The following PAPPA2 variants were observed in gnomAD, a reference collection of about 807,000 sequenced individuals.
PAPPA2 encodes the protein pappalysin 2.
PAPPA2 carries 86 observed loss-of-function variants against 176.4 expected under a neutral mutation model. That is an observed-to-expected ratio of 0.49 (90% CI 0.41 to 0.58). The LOEUF is 0.58. Ranked by LOEUF, PAPPA2 falls within the 20% of genes least tolerant of loss-of-function variation. The pLI is 0.00. For missense variants in PAPPA2, 2,073 were observed against 2,256.9 expected, an observed-to-expected ratio of 0.92 and a Z score of 1.65; for synonymous variants, 809 against 852.2, an observed-to-expected ratio of 0.95 and a Z score of 0.88.
chr1:176,740,054 C>G lies in PAPPA2; in HGVS notation c.4009C>G (p.His1337Asp), dbSNP rs1188902056. 1 of 1,613,848 alleles carries G rather than the reference C, an allele frequency of 6.2e-7. No homozygotes were observed. The highest frequency in any genetic ancestry group is 1.3e-5 in the African/African-American group (1 of 74,894). Residue 1337 changes from histidine (H) to aspartate (D), a missense_variant, in exon 14 of 23, where the codon CAT becomes GAT. Around this residue, in one of 4 missense-constraint regions of PAPPA2, gnomAD observed 846 missense variants for 857.9 expected, o/e 0.99. Coordinates refer to ENST00000367662, the MANE Select transcript of PAPPA2 (RefSeq NM_020318.3). Reference sequence around the variant, plus strand: ...CCATCACCAGAATGTCCTTTTCCACCATACCACCTCAGTGCTGCTGAATTT... The same window carrying G: ...CCATCACCAGAATGTCCTTTTCCACGATACCACCTCAGTGCTGCTGAATTT... ...VTHHQNVLFHHTTSVLLNFSS... is the reference protein window; with the variant it reads ...VTHHQNVLFHDTTSVLLNFSS...
At chr1:176,711,100 G>T (rs1045608070) in intron 11 of PAPPA2, among the ~76,000 whole-genome samples, 23 of 152,082 alleles carry the variant, frequency 1.5e-4, no homozygotes, top group Non-Finnish European at 2.1e-4. Flanking sequence ...TCAGATCCAG[G>T]CCACTTCATC....
intron 1 of PAPPA2, among the ~76,000 whole-genome samples, chr1:176,501,912 A>G (rs1647983303): frequency 6.6e-6 from 1 of 152,216 alleles, no homozygotes; most frequent in African/African-American, 2.4e-5. Flanking sequence ...CATTTATAAA[A>G]TTAATGCACC....
intron 14 of PAPPA2, among the ~76,000 whole-genome samples, chr1:176,756,573 G>C (rs1262141876): frequency 2.0e-5 from 3 of 152,168 alleles, no homozygotes; most frequent in Non-Finnish European, 4.4e-5. Context: ...TGGTATTCCA[G>C]AGATTTTATA....
intron 11 of PAPPA2, among the ~76,000 whole-genome samples, chr1:176,710,930 C>T (rs974529228): frequency 6.6e-6 from 1 of 152,182 alleles, no homozygotes; most frequent in Non-Finnish European, 1.5e-5. Flanking sequence ...AGCCTTCTTC[C>T]TCCTGCTCAA....
At chr1:176,713,855 AC>A (rs1163551661) in intron 12 of PAPPA2, among the ~76,000 whole-genome samples, 1 of 152,206 alleles carries the variant, frequency 6.6e-6, no homozygotes, top group East Asian at 1.9e-4. Flanking sequence ...GCAACTCAAC[AC>A]ACATAAGTCA....
chr1:176,540,874 G>A (rs1650326919), intron 1 of PAPPA2, among the ~76,000 whole-genome samples: 1 of 152,096 alleles, frequency 6.6e-6, no homozygotes, highest in African/African-American at 2.4e-5. Context: ...CATGGCTTCT[G>A]AGTTCTTACT....
At chr1:176,539,903 AG>A (rs149940754) in intron 1 of PAPPA2, among the ~76,000 whole-genome samples, 2,044 of 152,330 alleles carry the variant, frequency 0.013, 42 homozygotes, top group African/African-American at 0.047. Context: ...TGAAAGGAGA[AG>A]TGAGGATCAG....
intron 9 of PAPPA2, among the ~76,000 whole-genome samples, chr1:176,704,021 C>G (rs1660771342): frequency 6.6e-6 from 1 of 152,124 alleles, no homozygotes; most frequent in African/African-American, 2.4e-5. Flanking sequence ...ACTGGCAGGA[C>G]CCTCCTTGAA....
chr1:176,534,632 T>C (rs1649975648), intron 1 of PAPPA2, among the ~76,000 whole-genome samples: 1 of 152,146 alleles, frequency 6.6e-6, no homozygotes, highest in Non-Finnish European at 1.5e-5. Context: ...AATATCAACA[T>C]GAGCTGTGGC....
rs538592074 is a variant in PAPPA2, at chr1:176,463,298, T to C, written c.-1037T>C. On this transcript the variant is annotated 5_prime_UTR_variant, in exon 1 of 23. Coordinates refer to ENST00000367662, the MANE Select transcript of PAPPA2 (RefSeq NM_020318.3). ...CCTTAAATTCCTTCTCACAACAGTG[T>C]CAAGAGCCTGGACGCCAGCCAGGAT... The C allele has an allele frequency of 6.6e-6, 1 of 152,204 alleles. No homozygotes were observed. The highest frequency in any genetic ancestry group is 1.5e-5 in the Non-Finnish European group (1 of 68,048). 9.4% of individuals were successfully genotyped at this position (152,204 alleles called of 1,614,324 possible).
chr1:176,767,756 T>C (rs1664045936), intron 15 of PAPPA2, among the ~76,000 whole-genome samples: 1 of 152,182 alleles, frequency 6.6e-6, no homozygotes, highest in South Asian at 2.1e-4. Flanking sequence ...AGCTCACGCT[T>C]TGCCAACCAC....
At chr1:176,813,994 C>A (rs934994031) in intron 21 of PAPPA2, among the ~76,000 whole-genome samples, 4 of 152,174 alleles carry the variant, frequency 2.6e-5, no homozygotes, top group African/African-American at 9.7e-5. Flanking sequence ...TTTCAATTTT[C>A]TGCATATGGC....
At chr1:176,619,425 T>C (rs369782931) in intron 3 of PAPPA2, among the ~76,000 whole-genome samples, 4 of 152,322 alleles carry the variant, frequency 2.6e-5, no homozygotes, top group African/African-American at 9.6e-5. Flanking sequence ...TGACGTTAGA[T>C]TCCTGAAGCA....
At chr1:176,666,259 A>C (rs563063449) in intron 3 of PAPPA2, among the ~76,000 whole-genome samples, 1 of 152,268 alleles carries the variant, frequency 6.6e-6, no homozygotes, top group South Asian at 2.1e-4. Context: ...AAAATGCAAC[A>C]AGAGGTTCCA....
At chr1:176,738,756 C>A (rs1447142529) in intron 12 of PAPPA2, among the ~76,000 whole-genome samples, 1 of 152,086 alleles carries the variant, frequency 6.6e-6, no homozygotes, top group Admixed American at 6.6e-5. Context: ...TCAAATAAGT[C>A]CAGTGTGGAA....
At chr1:176,666,616 A>AGG (rs1658666395) in intron 3 of PAPPA2, among the ~76,000 whole-genome samples, 1 of 149,768 alleles carries the variant, frequency 6.7e-6, no homozygotes, top group African/African-American at 2.5e-5. Flanking sequence ...TGTGAGAGAG[A>AGG]GAGAGAGAGA....
At chr1:176,766,475 G>A (rs931749037) in intron 15 of PAPPA2, among the ~76,000 whole-genome samples, 4 of 152,176 alleles carry the variant, frequency 2.6e-5, no homozygotes, top group Non-Finnish European at 4.4e-5. Flanking sequence ...TATATAAGAT[G>A]TGTAACTTTG....
chr1:176,577,682 G>GT (rs1652730682), intron 2 of PAPPA2, among the ~76,000 whole-genome samples: 2 of 151,828 alleles, frequency 1.3e-5, no homozygotes, highest in South Asian at 2.1e-4. Context: ...CTCCTCCTTG[G>GT]TTTTTTTATT....
At chr1:176,621,870 G>A (rs1305752116) in intron 3 of PAPPA2, among the ~76,000 whole-genome samples, 1 of 152,070 alleles carries the variant, frequency 6.6e-6, no homozygotes, top group African/African-American at 2.4e-5. Flanking sequence ...TCTTTGGCCA[G>A]AGTTTTTATT....
Sources: allele counts gnomAD v4.1 joint callset (sites outside exome capture counted in the v4.1 genomes callset), GRCh38; gene constraint gnomAD v4.1.1; regional missense constraint gnomAD v4.1.1; transcripts MANE v1.5; gene names NCBI Gene and HGNC (gene_info 2026-07-23, HGNC 2026-07-21).